The following PTPRO variants were observed in gnomAD, a reference collection of about 807,000 sequenced individuals.
PTPRO encodes the protein protein tyrosine phosphatase receptor type O, also known as receptor-type tyrosine-protein phosphatase O.
In PTPRO, 62 loss-of-function variants were observed where a neutral mutation model predicts 145.2. The ratio of observed to expected loss-of-function variants is 0.43; its 90% CI spans 0.35 to 0.53. PTPRO has a LOEUF of 0.53. Among genes scored for constraint, PTPRO ranks in the 20% least tolerant of loss-of-function variants. PTPRO has a pLI of 0.01. For missense variants in PTPRO, 1,345 were observed against 1,482.7 expected, an observed-to-expected ratio of 0.91 and a Z score of 1.53; for synonymous variants, 565 against 514.7, an observed-to-expected ratio of 1.10 and a Z score of -1.32.
At chr12:15,569,336 AGAAGTAT>A in intron 18 of PTPRO, 74 bp from the exon 19 acceptor site, 3 of 1,236,084 alleles carry the variant, frequency 2.4e-6, no homozygotes, top group Non-Finnish European at 3.5e-6. Context: ...AAGAAGATTA[AGAAGTAT>A]GATATTAAAC....
intron 19 of PTPRO, 143 bp from the exon 20 acceptor site, chr12:15,578,710 T>C (rs993488962): frequency 1.0e-5 from 7 of 695,010 alleles, no homozygotes; most frequent in African/African-American, 1.8e-5. Flanking sequence ...AAGTTGATGA[T>C]AGTGGGGTGG....
chr12:15,498,415 G>A lies in PTPRO; in HGVS notation c.508+1012G>A, dbSNP rs186883874. On this transcript the variant is annotated intron_variant, in intron 3 of 26. Transcript: ENST00000281171. ...ACTAAAACATACAAAAAATCTAGCCGGGCGTGGTGGCGGGCGCCTGTAGTC... is the reference window on the plus strand; with the variant it reads ...ACTAAAACATACAAAAAATCTAGCCAGGCGTGGTGGCGGGCGCCTGTAGTC... 2.8e-3 allele frequency among the ~76,000 whole-genome samples: 426 copies of A among 152,126 alleles called. 3 individuals are homozygous for A. Among genetic ancestry groups the A allele is most frequent in the African/African-American group, 9.6e-3 (397 of 41,512 alleles).
intron 1 of PTPRO, among the ~76,000 whole-genome samples, chr12:15,430,533 T>C (rs986078426): frequency 3.3e-5 from 5 of 152,114 alleles, no homozygotes; most frequent in Admixed American, 3.3e-4. Context: ...GTGGTAGTCA[T>C]GATGGTGGTG....
chr12:15,530,565 C>T (rs1942941241), intron 12 of PTPRO, among the ~76,000 whole-genome samples: 1 of 151,988 alleles, frequency 6.6e-6, no homozygotes, highest in South Asian at 2.1e-4. Context: ...AAAGTGGTAA[C>T]AAGAGAAATC....
At chr12:15,354,827 C>G (rs1288693365) in intron 1 of PTPRO, among the ~76,000 whole-genome samples, 2 of 152,142 alleles carry the variant, frequency 1.3e-5, no homozygotes, top group Non-Finnish European at 2.9e-5. Flanking sequence ...AATAACCAAG[C>G]AAATGAGTTT....
chr12:15,408,718 G>A (rs1036730581), intron 1 of PTPRO, among the ~76,000 whole-genome samples: 18 of 152,074 alleles, frequency 1.2e-4, no homozygotes, highest in Non-Finnish European at 2.5e-4. Context: ...GTGAGCCACC[G>A]TGCCCTGCCA....
At chr12:15,523,103 A>G (rs1942761617) in intron 10 of PTPRO, among the ~76,000 whole-genome samples, 1 of 152,234 alleles carries the variant, frequency 6.6e-6, no homozygotes, top group Admixed American at 6.5e-5. Flanking sequence ...TAAGCATACT[A>G]TATAAGTGCT....
chr12:15,359,422 C>CTTTTTTTTTTT (rs771782428), intron 1 of PTPRO, among the ~76,000 whole-genome samples: 5 of 112,514 alleles, frequency 4.4e-5, no homozygotes, highest in African/African-American at 1.3e-4. Context: ...TTTCTCTTTC[C>CTTTTTTTTTTT]TTTTTTTTTT....
intron 1 of PTPRO, among the ~76,000 whole-genome samples, chr12:15,466,331 A>G (rs1941414815): frequency 6.6e-6 from 1 of 152,194 alleles, no homozygotes. Flanking sequence ...TGATTCAGTT[A>G]TGTTTGTCAC....
intron 19 of PTPRO, among the ~76,000 whole-genome samples, chr12:15,572,819 C>G (rs1416426404): frequency 6.6e-6 from 1 of 151,874 alleles, no homozygotes; most frequent in African/African-American, 2.4e-5. Context: ...CAGTCAGCCC[C>G]CAGATGAAAT....
chr12:15,433,349 G>C (rs1305956636), intron 1 of PTPRO, among the ~76,000 whole-genome samples: 1 of 151,802 alleles, frequency 6.6e-6, no homozygotes, highest in Non-Finnish European at 1.5e-5. Flanking sequence ...CTAACTTTTT[G>C]TATTTGTATT....
rs575070215 is a variant in PTPRO at position 15,383,744 on chromosome 12, T to C, written c.75+60943T>C. ...AGGTCATAGGTGGATTCAAAGATTTTCCGAGTGGCAATTAGTTCAAAGAGT... is the reference window on the plus strand; with the variant it reads ...AGGTCATAGGTGGATTCAAAGATTTCCCGAGTGGCAATTAGTTCAAAGAGT... On this transcript the variant is annotated intron_variant, in intron 1 of 26. Coordinates refer to ENST00000281171, the MANE Select transcript of PTPRO (RefSeq NM_030667.3). Among the ~76,000 whole-genome samples the C allele has an allele frequency of 3.9e-5, 6 of 152,302 alleles. 1 individual carries two copies. The highest frequency in any genetic ancestry group is 1.4e-4 in the African/African-American group (6 of 41,572).
At chr12:15,475,256 A>G (rs1366988870) in intron 1 of PTPRO, among the ~76,000 whole-genome samples, 1 of 152,242 alleles carries the variant, frequency 6.6e-6, no homozygotes, top group African/African-American at 2.4e-5. Context: ...GATGCTTATG[A>G]ACTTATTGTT....
intron 1 of PTPRO, among the ~76,000 whole-genome samples, chr12:15,382,515 G>T (rs2136275967): frequency 6.6e-6 from 1 of 152,320 alleles, no homozygotes. Context: ...TGTCAGAATT[G>T]TCCATCTCGA....
intron 4 of PTPRO, among the ~76,000 whole-genome samples, chr12:15,500,649 C>T (rs112156609): frequency 9.9e-5 from 15 of 152,274 alleles, no homozygotes; most frequent in African/African-American, 2.6e-4. Context: ...GGGCCTAGCA[C>T]GGTGGCTCAT....
At chr12:15,454,134 A>C (rs1337651062) in intron 1 of PTPRO, among the ~76,000 whole-genome samples, 2 of 152,180 alleles carry the variant, frequency 1.3e-5, no homozygotes, top group African/African-American at 4.8e-5. Context: ...TCTATTTTTA[A>C]TTGTGTAGGT....
intron 25 of PTPRO, 140 bp downstream of exon 25, chr12:15,589,730 T>C: frequency 9.6e-7 from 1 of 1,038,478 alleles, no homozygotes; most frequent in Admixed American, 2.1e-5. Flanking sequence ...ATGTTCAAAC[T>C]GCTTTGAGGC....
intron 2 of PTPRO, among the ~76,000 whole-genome samples, chr12:15,495,916 G>A (rs1942090876): frequency 2.0e-5 from 3 of 152,038 alleles, no homozygotes; most frequent in African/African-American, 7.2e-5. Context: ...AGAAAGGGGG[G>A]AAGTTAATCT....
intron 1 of PTPRO, among the ~76,000 whole-genome samples, chr12:15,469,638 C>G (rs945481972): frequency 6.6e-6 from 1 of 151,902 alleles, no homozygotes; most frequent in African/African-American, 2.4e-5. Flanking sequence ...GCAGACAAAA[C>G]AAGAAAAAGA....
Sources: allele counts gnomAD v4.1 joint callset (sites outside exome capture counted in the v4.1 genomes callset), GRCh38; gene constraint gnomAD v4.1.1; transcripts MANE v1.5; gene names NCBI Gene and HGNC (gene_info 2026-07-23, HGNC 2026-07-21).